The following ROR2 variants were observed in gnomAD, a reference collection of about 807,000 sequenced individuals.
The protein encoded by ROR2 is tyrosine-protein kinase transmembrane receptor ROR2.
Under a neutral mutation model 74.9 loss-of-function variants are expected in ROR2, and 33 were observed. That is an observed-to-expected ratio of 0.44 (90% CI 0.33 to 0.59). The LOEUF is 0.59. Ranked by LOEUF, ROR2 falls within the 20% of genes least tolerant of loss-of-function variation. ROR2 has a pLI of 0.02. For synonymous variants in ROR2, 586 were observed against 558.7 expected (o/e 1.05, Z -0.69); for missense variants, 1,216 against 1,313.8 (o/e 0.93, Z 1.15).
chr9:91,799,596 CT>C (rs1271172892), intron 1 of ROR2, among the ~76,000 whole-genome samples: 2 of 152,212 alleles, frequency 1.3e-5, no homozygotes, highest in African/African-American at 4.8e-5. Context: ...CCTCTGCCAC[CT>C]ACCAGCCCTG....
Position 91,949,904 on chromosome 9 carries a change from C to T in ROR2, c.60G>A (p.Ala20=). The stretch of plus-strand genomic sequence containing the variant: ...ACACTGAGAGCAGAAGCGCGGCGGC[C>T]GCCCAGACGGCCGGGATGCACAGCA... ...RPLLCIPAVW[A]AAALLLSVSR... is the part of the protein sequence containing the mutation. The change falls in exon 1 of 9, where the codon GCG becomes GCA. Residue 20 remains alanine, a synonymous_variant. Transcript: ENST00000375708. The T allele has an allele frequency of 1.3e-6, 2 of 1,540,342 alleles. No individual in the cohort carries two copies. The highest frequency in any genetic ancestry group is 1.7e-6 in the Non-Finnish European group (2 of 1,142,926).
intron 1 of ROR2, among the ~76,000 whole-genome samples, chr9:91,936,893 A>G (rs1831708259): frequency 6.7e-6 from 1 of 149,924 alleles, no homozygotes; most frequent in African/African-American, 2.5e-5. Context: ...AGCCGGGCGT[A>G]GTGGCGGGCG....
At chr9:91,849,468 G>C (rs1425496277) in intron 1 of ROR2, among the ~76,000 whole-genome samples, 1 of 152,226 alleles carries the variant, frequency 6.6e-6, no homozygotes. Flanking sequence ...AAGCCGGCTA[G>C]AAAGAACCCT....
intron 1 of ROR2, among the ~76,000 whole-genome samples, chr9:91,782,677 G>A (rs948111715): frequency 9.2e-5 from 14 of 151,796 alleles, no homozygotes; most frequent in Non-Finnish European, 1.5e-4. Context: ...CATGTGCCAC[G>A]GGTTAGACAA....
At chr9:91,767,772 G>A (rs1300343156) in intron 2 of ROR2, among the ~76,000 whole-genome samples, 1 of 152,202 alleles carries the variant, frequency 6.6e-6, no homozygotes, top group Non-Finnish European at 1.5e-5. Context: ...ATAAAACGGG[G>A]AAAACTAGAA....
intron 1 of ROR2, among the ~76,000 whole-genome samples, chr9:91,830,245 G>A (rs541223125): frequency 2.6e-4 from 40 of 152,216 alleles, no homozygotes; most frequent in African/African-American, 8.7e-4. Flanking sequence ...CAGGTGGATC[G>A]CCTGAGCCCA....
chr9:91,771,284 TCACCC>T (rs1826219967), intron 2 of ROR2, among the ~76,000 whole-genome samples: 1 of 152,126 alleles, frequency 6.6e-6, no homozygotes, highest in South Asian at 2.1e-4. Flanking sequence ...CGAGCCCACA[TCACCC>T]CGCCCCAGCC....
At position 91,905,193 on chromosome 9, in the gene ROR2, TACAC is replaced by T. The variant is rs934997590; in HGVS notation, c.97+44670_97+44673del. Among the ~76,000 whole-genome samples, 3 of 147,186 alleles carry T rather than the reference TACAC, an allele frequency of 2.0e-5. No individual in the cohort carries two copies. Among genetic ancestry groups the T allele is most frequent in the African/African-American group, 5.1e-5 (2 of 39,414 alleles). On this transcript the variant is annotated intron_variant, in intron 1 of 8. Transcript: ENST00000375708. The surrounding 1 kb of genome is among the most constrained non-coding windows in gnomAD (Gnocchi z 5.3). The stretch of plus-strand genomic sequence containing the variant: ...CACAACACATACCATACACAACACA[TACAC>T]AAACACCACATATACACCAAACACC...
chr9:91,852,697 C>A (rs1829144715), intron 1 of ROR2, among the ~76,000 whole-genome samples: 1 of 150,222 alleles, frequency 6.7e-6, no homozygotes, highest in African/African-American at 2.5e-5. Flanking sequence ...AAAATAGGGT[C>A]CGTGTAACAG....
chr9:91,799,756 T>C (rs1348709681), intron 1 of ROR2, among the ~76,000 whole-genome samples: 3 of 152,148 alleles, frequency 2.0e-5, no homozygotes, highest in Non-Finnish European at 2.9e-5. Context: ...ATCTCTCCCC[T>C]TTTCTAATTT....
chr9:91,931,446 A>G (rs1223986876), intron 1 of ROR2, among the ~76,000 whole-genome samples: 1 of 152,226 alleles, frequency 6.6e-6, no homozygotes. Context: ...AATCAGAGAA[A>G]CAGACCAAAA....
chr9:91,729,087 T>C (rs1353840223), intron 7 of ROR2, among the ~76,000 whole-genome samples: 4 of 83,294 alleles, frequency 4.8e-5, no homozygotes, highest in African/African-American at 1.5e-4. Context: ...TCCTACTCAC[T>C]GTAAAAAAAA....
chr9:91,819,204 G>T (rs1024949715), intron 1 of ROR2, among the ~76,000 whole-genome samples: 1 of 152,188 alleles, frequency 6.6e-6, no homozygotes, highest in African/African-American at 2.4e-5. Context: ...GTCAGCCCAA[G>T]GCCAGGACTG....
At chr9:91,827,609 G>A (rs987473577) in intron 1 of ROR2, among the ~76,000 whole-genome samples, 11 of 152,190 alleles carry the variant, frequency 7.2e-5, no homozygotes, top group Non-Finnish European at 1.6e-4. Context: ...GGTCCAAGGA[G>A]CAGGGGGTGG....
intron 1 of ROR2, among the ~76,000 whole-genome samples, chr9:91,929,119 A>T (rs778936907): frequency 1.3e-5 from 2 of 152,268 alleles, no homozygotes; most frequent in East Asian, 3.8e-4. Flanking sequence ...CAGAAACAGT[A>T]AACCTCCACA....
intron 3 of ROR2, 68 bp from the exon 4 acceptor site, chr9:91,756,169 C>A: frequency 6.5e-7 from 1 of 1,537,762 alleles, no homozygotes; most frequent in South Asian, 1.1e-5. Flanking sequence ...TTCTTCAAAT[C>A]AGGCCAGTGG....
chr9:91,790,020 T>C (rs1183504725), intron 1 of ROR2, among the ~76,000 whole-genome samples: 1 of 152,200 alleles, frequency 6.6e-6, no homozygotes, highest in Non-Finnish European at 1.5e-5. Flanking sequence ...GTGGCTACAC[T>C]AGTATCAGAC....
intron 6 of ROR2, 129 bp downstream of exon 6, chr9:91,732,993 C>A: frequency 1.1e-6 from 1 of 945,370 alleles, no homozygotes; most frequent in South Asian, 1.7e-5. Flanking sequence ...GGGCCCTCGG[C>A]TGCTAAGGGG....
chr9:91,793,824 T>C (rs954668553), intron 1 of ROR2, among the ~76,000 whole-genome samples: 1 of 150,942 alleles, frequency 6.6e-6, no homozygotes, highest in Non-Finnish European at 1.5e-5. Flanking sequence ...CTAATAAATA[T>C]GAAAAGATTC....
Sources: gnomAD v4.1 joint callset for allele counts (sites outside exome capture counted in the v4.1 genomes callset) on GRCh38, gnomAD v4.1.1 for gene constraint, Gnocchi (gnomAD v3.1) non-coding constraint, MANE v1.5 for transcripts, NCBI Gene and HGNC (gene_info 2026-07-23, HGNC 2026-07-21) for gene names.